Variants in PARD3 observed in about 807,000 individuals in gnomAD.
PARD3 encodes the protein par-3 family cell polarity regulator.
PARD3 carries 75 observed loss-of-function variants against 155.4 expected under a neutral mutation model. The observed-to-expected ratio is 0.48, with a 90% CI of 0.40 to 0.58. The LOEUF is 0.58. PARD3 is among the 20% of genes least tolerant of loss of function. The probability of loss-of-function intolerance (pLI) is 0.00; values close to 1 mark genes in which losing one functional copy is unlikely to be tolerated. For missense variants in PARD3, 1,642 were observed against 1,721.7 expected, an observed-to-expected ratio of 0.95 and a Z score of 0.82; for synonymous variants, 576 against 610.5, an observed-to-expected ratio of 0.94 and a Z score of 0.83.
chr10:34,471,595 C>A (rs1475700929), intron 3 of PARD3, among the ~76,000 whole-genome samples: 1 of 152,204 alleles, frequency 6.6e-6, no homozygotes, highest in African/African-American at 2.4e-5. Flanking sequence ...GGCTCTGTCA[C>A]CCAGGCTGGA....
chr10:34,307,564 G>A (rs1179079697), intron 20 of PARD3, among the ~76,000 whole-genome samples: 3 of 152,160 alleles, frequency 2.0e-5, no homozygotes, highest in African/African-American at 4.8e-5. Context: ...CAGACCTTAT[G>A]ACTTAGTGCT....
intron 1 of PARD3, among the ~76,000 whole-genome samples, chr10:34,789,283 C>T (rs973950489): frequency 2.0e-5 from 3 of 151,970 alleles, no homozygotes; most frequent in African/African-American, 7.3e-5. Context: ...GCGACAGAGA[C>T]TTTGTCTCAA....
chr10:34,133,384 G>T lies in PARD3; in HGVS notation c.3420-1801C>A, dbSNP rs1947719147. ...GCCACACACCCCTGCTGCATGTCCT[G>T]TGAGGGGAGTCAGGGAACTCTCTCA... On this transcript the variant is annotated intron_variant, in intron 22 of 24. Coordinates refer to ENST00000374788, the MANE Select transcript of PARD3 (RefSeq NM_001184785.2). Among the ~76,000 whole-genome samples the T allele has an allele frequency of 1.3e-5, 2 of 152,190 alleles. 1 individual carries two copies. The highest frequency in any genetic ancestry group is 4.1e-4 in the South Asian group (2 of 4,832).
intron 21 of PARD3, among the ~76,000 whole-genome samples, chr10:34,275,022 TCAAAAGAAGTGCTCAGC>T (rs1955809010): frequency 6.6e-6 from 1 of 152,114 alleles, no homozygotes; most frequent in Admixed American, 6.6e-5. Flanking sequence ...AGTCAATCTC[TCAAAAGAAGTGCTCAGC>T]AGCATGAAGT....
chr10:34,449,073 C>A (rs1171279345), intron 5 of PARD3, among the ~76,000 whole-genome samples: 2 of 120,726 alleles, frequency 1.7e-5, no homozygotes, highest in East Asian at 4.6e-4. Context: ...TGCCCGCCAC[C>A]ACGCCCGGCT....
At chr10:34,229,582 T>C (rs1034012117) in intron 22 of PARD3, among the ~76,000 whole-genome samples, 2 of 151,980 alleles carry the variant, frequency 1.3e-5, no homozygotes, top group Admixed American at 6.5e-5. Context: ...ACAACTGTTA[T>C]GCCTAAATAT....
At chr10:34,577,322 T>C (rs539599660) in intron 2 of PARD3, among the ~76,000 whole-genome samples, 2 of 152,300 alleles carry the variant, frequency 1.3e-5, no homozygotes, top group South Asian at 4.1e-4. Context: ...CTGAAATTGC[T>C]TGGGGAAAAA....
intron 20 of PARD3, among the ~76,000 whole-genome samples, chr10:34,309,547 C>CAAAAAAAA (rs1323865538): frequency 4.9e-4 from 23 of 46,646 alleles, no homozygotes; most frequent in Admixed American, 4.5e-3. Flanking sequence ...GACCCTGTCT[C>CAAAAAAAA]CAAAAAAAAA....
chr10:34,404,149 G>C (rs1344422717), intron 5 of PARD3, among the ~76,000 whole-genome samples: 1 of 152,182 alleles, frequency 6.6e-6, no homozygotes, highest in African/African-American at 2.4e-5. Context: ...AACATTCACT[G>C]CCCTGAGGCT....
At chr10:34,741,242 T>A (rs1342758553) in intron 1 of PARD3, among the ~76,000 whole-genome samples, 1 of 142,556 alleles carries the variant, frequency 7.0e-6, no homozygotes, top group African/African-American at 2.6e-5. Context: ...TGGAGTGTGG[T>A]GGTGCGATCA....
In PARD3 at chr10:34,804,655, G is replaced by A. The variant is rs143843959; in HGVS notation, c.120+10221C>T. Among the ~76,000 whole-genome samples the A allele has an allele frequency of 7.2e-5, 11 of 152,240 alleles. No individual in the cohort carries two copies. In the East Asian group the frequency reaches 1.9e-3, roughly 27 times the overall value. On this transcript the variant is annotated intron_variant, in intron 1 of 24. Coordinates refer to ENST00000374788, the MANE Select transcript of PARD3 (RefSeq NM_001184785.2). ...ATGCCTTTGTGGTATAAGAAAATAC[G>A]TTTCCTGGAAGAGTTTTCTTTTTTC...
chr10:34,660,945 C>T (rs1218355415), intron 2 of PARD3, among the ~76,000 whole-genome samples: 3 of 152,004 alleles, frequency 2.0e-5, no homozygotes, highest in Non-Finnish European at 4.4e-5. Context: ...CTCAATACTA[C>T]CACTGAGAAG....
chr10:34,750,462 AACACACACACACACACACACACAC>A (rs71033348), intron 1 of PARD3, among the ~76,000 whole-genome samples: 115 of 135,928 alleles, frequency 8.5e-4, no homozygotes, highest in Non-Finnish European at 5.4e-4. Flanking sequence ...CTCTCTTTCA[AACACACACACACACACACACACAC>A]ACACACACAC....
At chr10:34,449,264 A>T (rs948877105) in intron 5 of PARD3, among the ~76,000 whole-genome samples, 1 of 152,068 alleles carries the variant, frequency 6.6e-6, no homozygotes, top group African/African-American at 2.4e-5. Flanking sequence ...ATATACATAT[A>T]TAAAAACCTC....
intron 2 of PARD3, among the ~76,000 whole-genome samples, chr10:34,623,467 T>C (rs1387973604): frequency 6.6e-6 from 1 of 152,224 alleles, no homozygotes; most frequent in East Asian, 1.9e-4. Flanking sequence ...TCAACTTTAA[T>C]TGAAAACAAA....
chr10:34,470,953 G>T (rs1012494421), intron 3 of PARD3, among the ~76,000 whole-genome samples: 4 of 152,046 alleles, frequency 2.6e-5, no homozygotes, highest in African/African-American at 7.2e-5. Context: ...ATAACACATG[G>T]TATGCATGTA....
chr10:34,499,103 A>C (rs1432728048), intron 3 of PARD3, among the ~76,000 whole-genome samples: 1 of 152,186 alleles, frequency 6.6e-6, no homozygotes, highest in Non-Finnish European at 1.5e-5. Context: ...ATGGTTACTC[A>C]ATTTGTTTAG....
intron 1 of PARD3, among the ~76,000 whole-genome samples, chr10:34,743,542 A>G (rs1313852459): frequency 1.3e-5 from 2 of 152,236 alleles, no homozygotes; most frequent in Non-Finnish European, 2.9e-5. Context: ...ACTAAATTTC[A>G]GGTCCGAAAA....
rs1947691177 is a variant in PARD3 at position 34,132,960 on chromosome 10, G to A, written c.3420-1377C>T. 3.3e-5 allele frequency among the ~76,000 whole-genome samples: 5 copies of A among 152,112 alleles called. No individual in the cohort carries two copies. The South Asian group carries it at 1.0e-3, about 32-fold the overall frequency. ...AGAGGAGTTTGGCTGGGGATGGCTG[G>A]AGAGGAGACTGGGCCACTGGATGGC... is the stretch of plus-strand genomic sequence containing the variant. On this transcript the variant is annotated intron_variant, in intron 22 of 24. Transcript: ENST00000374788.
Sources: allele counts gnomAD v4.1 joint callset (sites outside exome capture counted in the v4.1 genomes callset), GRCh38; gene constraint gnomAD v4.1.1; transcripts MANE v1.5; gene names NCBI Gene and HGNC (gene_info 2026-07-23, HGNC 2026-07-21).